The following TMF1 variants were observed in gnomAD, a reference collection of about 807,000 sequenced individuals.
TMF1 encodes TATA element modulatory factor.
A neutral mutation model predicts 126.5 loss-of-function variants in TMF1; 71 were observed. That is an observed-to-expected ratio of 0.56 (90% confidence interval 0.46 to 0.68). The LOEUF (loss-of-function observed/expected upper bound fraction) is 0.68, where lower values mean the gene tolerates loss of function less well. TMF1 is among the 30% of genes least tolerant of loss of function. TMF1 has a pLI of 0.00. For missense variants in TMF1, 1,259 were observed against 1,253.2 expected (o/e 1.00, Z -0.07); for synonymous variants, 461 against 430.5 (o/e 1.07, Z -0.88).
At chr3:69,041,156 C>T (rs2107465512) in intron 5 of TMF1, among the ~76,000 whole-genome samples, 2 of 152,106 alleles carry the variant, frequency 1.3e-5, no homozygotes, top group South Asian at 4.1e-4. Context: ...AATAAGAAAA[C>T]CATGCAGTTA....
Position 69,040,813 on chromosome 3 carries a change from T to C in TMF1, c.1685-1120A>G, listed in dbSNP as rs554260190. 2.0e-5 allele frequency among the ~76,000 whole-genome samples: 3 copies of C among 151,914 alleles called. No homozygotes were observed. In the East Asian group the frequency reaches 5.8e-4, roughly 29 times the overall value. On this transcript the variant is annotated intron_variant, in intron 5 of 16. Transcript: ENST00000398559. Reference sequence around the variant, plus strand: ...GGCAGGTAGCTATAGTCTCAGCTATTCGGGAGGCTGAGGCAGGAGAATTGC... The same window carrying C: ...GGCAGGTAGCTATAGTCTCAGCTATCCGGGAGGCTGAGGCAGGAGAATTGC...
chr3:69,024,548 G>C (rs1016421767), intron 15 of TMF1, among the ~76,000 whole-genome samples: 2 of 152,028 alleles, frequency 1.3e-5, no homozygotes, highest in African/African-American at 4.8e-5. Flanking sequence ...CACCTGTGTA[G>C]GTTGTATCGA....
At chr3:69,040,915 C>G (rs1478771137) in intron 5 of TMF1, among the ~76,000 whole-genome samples, 2 of 148,428 alleles carry the variant, frequency 1.3e-5, no homozygotes, top group Non-Finnish European at 3.0e-5. Context: ...CAGTGAGACT[C>G]TGTTTCAAAA....
At chr3:69,049,318 G>A (rs1220594667) in intron 1 of TMF1, among the ~76,000 whole-genome samples, 1 of 152,210 alleles carries the variant, frequency 6.6e-6, no homozygotes, top group Non-Finnish European at 1.5e-5. Context: ...AAGCTGCAGT[G>A]AGCCATGATC....
chr3:69,042,275 T>C (rs2091870432), intron 5 of TMF1: 2 of 448,150 alleles, frequency 4.5e-6, no homozygotes, highest in African/African-American at 4.0e-5. Context: ...TGACCTTAAA[T>C]GATCCACCCA....
rs781421230 is a variant in TMF1, at chr3:69,027,975, C to T, written c.2682G>A (p.Gln894=). 6 of 1,575,432 alleles carry T rather than the reference C, an allele frequency of 3.8e-6. No individual in the cohort carries two copies. The African/African-American group carries it at 6.8e-5, about 18-fold the overall frequency. ...TRKEKTLLNS[Q]LEMERMKVEQ... ...CAACTTTCATTCTTTCCATTTCTAA[C>T]TGACTATTCAACAATGTCTAATAGA... The change falls in exon 13 of 17, where the codon CAG becomes CAA. Residue 894 remains glutamine (Q), a synonymous_variant. Coordinates refer to ENST00000398559, the MANE Select transcript of TMF1 (RefSeq NM_007114.3).
At chr3:69,040,894 C>T (rs2091860419) in intron 5 of TMF1, among the ~76,000 whole-genome samples, 1 of 151,516 alleles carries the variant, frequency 6.6e-6, no homozygotes, top group African/African-American at 2.4e-5. Flanking sequence ...TGTACTCCAG[C>T]CTGGACAACA....
Position 69,023,366 on chromosome 3 carries a change from C to T in TMF1, c.3139-46G>A, listed in dbSNP as rs375037050. ...CAATTTTTAAAATAACTACACAGAA[C>T]ATCTTTAATATTTATATTGCCATAG... On this transcript the variant is annotated intron_variant, in intron 16 of 16. Transcript: ENST00000398559. The T allele has an allele frequency of 6.8e-6, 10 of 1,469,892 alleles. No individual in the cohort carries two copies. In the African/African-American group the frequency reaches 1.4e-4, roughly 21 times the overall value. 91.1% of individuals were successfully genotyped at this position (1,469,892 alleles called of 1,614,324 possible). A position where few individuals can be genotyped will look rare whatever the true frequency, so the allele number is the denominator to read the frequency against.
rs141161742 is a variant in TMF1, at chr3:69,033,589, G to A, written c.2360C>T (p.Ser787Leu). ...ATTCTTCTCTAATTTCTCCCACGAC[G>A]ATGTCTGGGATCCCAGGGTTGCTTG... is the stretch of plus-strand genomic sequence containing the variant. ...NLQATLGSQT[S>L]SWEKLEKNLS... The change falls in exon 10 of 17, where the codon TCG (serine) becomes TTG (leucine). Residue 787 changes from serine to leucine, a missense_variant. Coordinates refer to ENST00000398559, the MANE Select transcript of TMF1 (RefSeq NM_007114.3). The A allele has an allele frequency of 1.9e-4, 301 of 1,613,764 alleles. 1 individual carries two copies. In the African/African-American group the frequency reaches 3.1e-3, roughly 17 times the overall value.
intron 15 of TMF1, 86 bp from the exon 16 acceptor site, chr3:69,024,266 TG>T: frequency 1.7e-5 from 20 of 1,192,430 alleles, no homozygotes; most frequent in Admixed American, 2.9e-5. Context: ...AATGTGTGTG[TG>T]GTTTTTTTTT....
In TMF1 at chr3:69,043,844, C is replaced by G; in HGVS notation, c.1484G>C (p.Ser495Thr). 1 of 1,607,800 alleles carries G rather than the reference C, an allele frequency of 6.2e-7. No homozygotes were observed. The highest frequency in any genetic ancestry group is 8.5e-7 in the Non-Finnish European group (1 of 1,176,894). The part of the protein sequence containing the change: ...EMFRVKEESS[S>T]ISSLKDEFTQ... ...AAACTCATCTTTCAAGGAAGAAATGCTACTGCTTTCTTCTTTCACTCTGAA... is the reference window on the plus strand; with the variant it reads ...AAACTCATCTTTCAAGGAAGAAATGGTACTGCTTTCTTCTTTCACTCTGAA... The change falls in exon 4 of 17, where the codon AGC becomes ACC. Residue 495 changes from serine (S) to threonine (T), a missense_variant. Coordinates refer to ENST00000398559, the MANE Select transcript of TMF1 (RefSeq NM_007114.3).
rs1310932563 is a variant in TMF1, at chr3:69,042,918, A to T, written c.1579-6T>A. 4 of 1,580,934 alleles carry T rather than the reference A, an allele frequency of 2.5e-6. No individual in the cohort carries two copies. Among genetic ancestry groups the T allele is most frequent in the Non-Finnish European group, 3.5e-6 (4 of 1,151,266 alleles). On this transcript the variant is annotated splice_region_variant and splice_polypyrimidine_tract_variant and intron_variant, in intron 4 of 16. Transcript: ENST00000398559. ...TCTTTTATGTTTTTGATTTCCTAATAAAAAAGAAATCTGTGAATACCGTAA... is the reference window on the plus strand; with the variant it reads ...TCTTTTATGTTTTTGATTTCCTAATTAAAAAGAAATCTGTGAATACCGTAA...
At chr3:69,025,345 A>T in intron 15 of TMF1, 1 of 462,132 alleles carries the variant, frequency 2.2e-6, no homozygotes, top group Non-Finnish European at 3.8e-6. Context: ...GAATATGCCT[A>T]ATTCTGGCAA....
At chr3:69,039,465 C>A in intron 6 of TMF1, 86 bp downstream of exon 6, 1 of 1,420,390 alleles carries the variant, frequency 7.0e-7, no homozygotes, top group Non-Finnish European at 9.5e-7. Context: ...CCCATTAAAT[C>A]TTTTCAAATG....
intron 4 of TMF1, among the ~76,000 whole-genome samples, chr3:69,043,369 C>G (rs966135439): frequency 2.6e-5 from 4 of 152,054 alleles, no homozygotes; most frequent in Non-Finnish European, 5.9e-5. Flanking sequence ...GAGGTCTCGC[C>G]ATGTTGCCCA....
chr3:69,038,114 T>C (rs2091842695), intron 8 of TMF1, among the ~76,000 whole-genome samples: 1 of 152,188 alleles, frequency 6.6e-6, no homozygotes, highest in Non-Finnish European at 1.5e-5. Context: ...GCAGCATTAT[T>C]GATAATAACC....
At chr3:69,042,548 AG>A (rs1445876292) in intron 5 of TMF1, 3 of 577,884 alleles carry the variant, frequency 5.2e-6, no homozygotes, top group Admixed American at 4.3e-5. Context: ...AAGTTTTCTT[AG>A]GGCAGCACAA....
In TMF1 at chr3:69,040,850, A is replaced by C. The variant is rs545825998; in HGVS notation, c.1685-1157T>G. ...GGCAGGAGAATTGCTTGAACCTGGG[A>C]GGCGGAGGTTGCAGTGAGCCGGGAT... On this transcript the variant is annotated intron_variant, in intron 5 of 16. Coordinates refer to ENST00000398559, the MANE Select transcript of TMF1 (RefSeq NM_007114.3). Among the ~76,000 whole-genome samples, 8 of 151,726 alleles carry C rather than the reference A, an allele frequency of 5.3e-5. No individual in the cohort carries two copies. In the East Asian group the frequency reaches 1.6e-3, roughly 30 times the overall value.
intron 15 of TMF1, 186 bp from the exon 16 acceptor site, chr3:69,024,366 T>A: frequency 1.1e-5 from 5 of 454,286 alleles, no homozygotes; most frequent in Non-Finnish European, 1.9e-5. Flanking sequence ...GTCCCAACTT[T>A]CCTGAGAGGT....
Sources: gnomAD v4.1 joint callset for allele counts (sites outside exome capture counted in the v4.1 genomes callset) on GRCh38, gnomAD v4.1.1 for gene constraint, MANE v1.5 for transcripts, NCBI Gene and HGNC (gene_info 2026-07-23, HGNC 2026-07-21) for gene names.